ARHGEF4: variants seen among roughly 807,000 people sequenced by gnomAD.
The protein encoded by ARHGEF4 is Rho guanine nucleotide exchange factor 4.
Under a neutral mutation model 162.0 loss-of-function variants are expected in ARHGEF4, and 119 were observed. That is an observed-to-expected ratio of 0.73 (90% CI 0.63 to 0.86). ARHGEF4 has a LOEUF of 0.86. ARHGEF4 is among the 40% of genes least tolerant of loss of function. ARHGEF4 has a pLI of 0.00. For missense variants in ARHGEF4, 2,488 were observed against 2,456.0 expected (o/e 1.01, Z -0.28); for synonymous variants, 1,014 against 979.9 (o/e 1.03, Z -0.65).
At chr2:130,956,938 T>G (rs904824128) in intron 4 of ARHGEF4, among the ~76,000 whole-genome samples, 22 of 151,898 alleles carry the variant, frequency 1.4e-4, no homozygotes, top group Admixed American at 1.2e-3. Flanking sequence ...ATTGTGCACA[T>G]GTACCCTAAA....
intron 4 of ARHGEF4, among the ~76,000 whole-genome samples, chr2:131,026,253 AT>A: frequency 6.6e-6 from 1 of 152,372 alleles, no homozygotes. Flanking sequence ...CAGCATACAT[AT>A]CAAAAGAAAA....
At chr2:130,889,849 G>A (rs1300803826) in intron 1 of ARHGEF4, among the ~76,000 whole-genome samples, 1 of 150,534 alleles carries the variant, frequency 6.6e-6, no homozygotes, top group African/African-American at 2.4e-5. Flanking sequence ...GCTATTGAAC[G>A]GTATTTTCAC....
intron 4 of ARHGEF4, among the ~76,000 whole-genome samples, chr2:130,968,445 G>A (rs1343016148): frequency 6.6e-6 from 1 of 152,232 alleles, no homozygotes. Context: ...TTTTGGGAGA[G>A]AGGACTAACA....
At chr2:130,879,774 T>C (rs1349598541) in intron 1 of ARHGEF4, among the ~76,000 whole-genome samples, 1 of 149,058 alleles carries the variant, frequency 6.7e-6, no homozygotes, top group African/African-American at 2.6e-5. Flanking sequence ...TCTTCTTTAT[T>C]TTTTTATTTT....
chr2:130,953,441 A>G (rs1684078221), intron 4 of ARHGEF4, among the ~76,000 whole-genome samples: 1 of 152,250 alleles, frequency 6.6e-6, no homozygotes, highest in Non-Finnish European at 1.5e-5. Context: ...TAGACCTAAA[A>G]TCGTAAAAGC....
chr2:130,877,249 CT>C (rs1178290458), intron 1 of ARHGEF4, among the ~76,000 whole-genome samples: 2 of 151,822 alleles, frequency 1.3e-5, no homozygotes, highest in African/African-American at 2.4e-5. Flanking sequence ...AGGGGATGTG[CT>C]TTTTTAAAAA....
Position 131,019,156 on chromosome 2 carries a change from T to G in ARHGEF4, c.3986-8789T>G, listed in dbSNP as rs12328456. Among the ~76,000 whole-genome samples, 991 of 152,318 alleles carry G rather than the reference T, an allele frequency of 6.5e-3. 5 individuals are homozygous for G. The highest frequency in any genetic ancestry group is 0.023 in the African/African-American group (939 of 41,564). On this transcript the variant is annotated intron_variant, in intron 4 of 13. Coordinates refer to ENST00000409359, the MANE Select transcript of ARHGEF4 (RefSeq NM_001367493.1). ...GGCTGGGCGCAGTGGCTCATGCCTGTAATCTCAGCATTTTGGGAGGCTGAG... is the reference window on the plus strand; with the variant it reads ...GGCTGGGCGCAGTGGCTCATGCCTGGAATCTCAGCATTTTGGGAGGCTGAG...
intron 5 of ARHGEF4, chr2:131,035,510 C>T: frequency 2.4e-6 from 1 of 414,702 alleles, no homozygotes; most frequent in Non-Finnish European, 3.5e-6. Context: ...GGGGGGAGGC[C>T]AAAATGGCGC....
At chr2:130,922,923 G>GATACAT (rs1553514183) in intron 2 of ARHGEF4, among the ~76,000 whole-genome samples, 1 of 145,512 alleles carries the variant, frequency 6.9e-6, no homozygotes, top group African/African-American at 2.5e-5. Context: ...CCTCTTTAAT[G>GATACAT]ATATATATAT....
At chr2:130,838,074 T>G (rs1471866196) in intron 1 of ARHGEF4, among the ~76,000 whole-genome samples, 1 of 152,184 alleles carries the variant, frequency 6.6e-6, no homozygotes, top group South Asian at 2.1e-4. Context: ...ATCGCTGGCA[T>G]CAAGAGTGGA....
At position 130,916,299 on chromosome 2, in the gene ARHGEF4, G is replaced by T. The variant is rs1304191139; in HGVS notation, c.2353G>T (p.Ala785Ser). 10 of 1,540,464 alleles carry T rather than the reference G, an allele frequency of 6.5e-6. No homozygotes were observed. In the Admixed American group the frequency reaches 8.0e-5, roughly 12 times the overall value. The change falls in exon 2 of 14, where the codon GCG becomes TCG. Residue 785 changes from alanine to serine, a missense_variant. By Grantham distance (99) the Ala-to-Ser change is moderately conservative. This residue lies in a region of ARHGEF4 where 1,642 missense variants were observed against 1,481.5 expected (regional missense o/e 1.11). Coordinates refer to ENST00000409359, the MANE Select transcript of ARHGEF4 (RefSeq NM_001367493.1). ...PQPPRGLRKG[A>S]QEPGKRPTFS... ...GCCGCCACGCGGGCTCCGCAAGGGC[G>T]CGCAGGAGCCTGGGAAGCGCCCGAC...
At chr2:130,995,772 T>C (rs1172887704) in intron 4 of ARHGEF4, among the ~76,000 whole-genome samples, 1 of 152,038 alleles carries the variant, frequency 6.6e-6, no homozygotes, top group African/African-American at 2.4e-5. Context: ...TGCTTCTAGC[T>C]TACAGCCATG....
chr2:130,847,927 T>C (rs910230010), intron 1 of ARHGEF4, among the ~76,000 whole-genome samples: 17 of 151,520 alleles, frequency 1.1e-4, no homozygotes, highest in Middle Eastern at 3.4e-3. Context: ...GCCTCAGGAG[T>C]GTGTGGGATT....
rs533615648 is a variant in ARHGEF4 at position 130,879,051 on chromosome 2, C to T, written c.40-34935C>T. Reference sequence around the variant, plus strand: ...AGAGGCTCAGAGGCATGTTGGAGCACCACGGAAGAGCAAAGAAGCAGGCAT... The same window carrying T: ...AGAGGCTCAGAGGCATGTTGGAGCATCACGGAAGAGCAAAGAAGCAGGCAT... On this transcript the variant is annotated intron_variant, in intron 1 of 13. Transcript: ENST00000409359. 2.6e-5 allele frequency among the ~76,000 whole-genome samples: 4 copies of T among 152,242 alleles called. No homozygotes were observed. The South Asian group carries it at 6.2e-4, about 24-fold the overall frequency.
intron 8 of ARHGEF4, 37 bp downstream of exon 8, chr2:131,040,477 C>G: frequency 6.7e-7 from 1 of 1,502,904 alleles, no homozygotes; most frequent in Non-Finnish European, 8.9e-7. Flanking sequence ...CTGGGCGCTG[C>G]GTTCACAGAG....
At chr2:130,851,461 G>C (rs1373111965) in intron 1 of ARHGEF4, among the ~76,000 whole-genome samples, 4 of 152,230 alleles carry the variant, frequency 2.6e-5, no homozygotes, top group Admixed American at 2.6e-4. Flanking sequence ...AGCCAGAACC[G>C]GGTGCGGTTC....
chr2:131,007,292 G>T (rs1688176211), intron 4 of ARHGEF4, among the ~76,000 whole-genome samples: 1 of 152,150 alleles, frequency 6.6e-6, no homozygotes, highest in Admixed American at 6.5e-5. Context: ...TAAGGGGAAA[G>T]TGGCCCAAAT....
chr2:130,940,606 C>T (rs1399807538), intron 3 of ARHGEF4, among the ~76,000 whole-genome samples: 4 of 149,814 alleles, frequency 2.7e-5, no homozygotes, highest in Non-Finnish European at 5.9e-5. Flanking sequence ...TTTGGGAGGC[C>T]GAGGCGGGTG....
Position 131,040,335 on chromosome 2 carries a change from C to A in ARHGEF4, c.4557C>A (p.Ile1519=). The A allele has an allele frequency of 6.2e-7, 1 of 1,612,606 alleles. No individual in the cohort carries two copies. Among genetic ancestry groups the A allele is most frequent in the South Asian group, 1.1e-5 (1 of 91,008 alleles). The change falls in exon 8 of 14, where the codon ATC becomes ATA. Residue 1519 remains isoleucine, a synonymous_variant. Coordinates refer to ENST00000409359, the MANE Select transcript of ARHGEF4 (RefSeq NM_001367493.1). ...EEQLRTIFGN[I]EDIYRCQKAF... ...AGCTGCGTACCATCTTCGGGAACAT[C>A]GAGGACATCTACCGCTGCCAGAAGG... is the stretch of plus-strand genomic sequence containing the variant.
Sources: gnomAD v4.1 joint callset for allele counts (sites outside exome capture counted in the v4.1 genomes callset) on GRCh38, gnomAD v4.1.1 for gene constraint, gnomAD v4.1.1 regional missense constraint, MANE v1.5 for transcripts, NCBI Gene and HGNC (gene_info 2026-07-23, HGNC 2026-07-21) for gene names.